Variants in MDGA2 observed in about 807,000 individuals in gnomAD.
The protein encoded by MDGA2 is MAM domain containing glycosylphosphatidylinositol anchor 2.
In MDGA2, 40 loss-of-function variants were observed where a neutral mutation model predicts 117.8. The observed-to-expected ratio is 0.34, with a 90% CI of 0.26 to 0.44. MDGA2 has a LOEUF of 0.44. MDGA2 is among the 20% of genes least tolerant of loss of function. The probability of loss-of-function intolerance (pLI) is 1.00; values close to 1 mark genes in which losing one functional copy is unlikely to be tolerated. For missense variants in MDGA2, 1,123 were observed against 1,250.6 expected, an observed-to-expected ratio of 0.90 and a Z score of 1.54; for synonymous variants, 452 against 439.0, an observed-to-expected ratio of 1.03 and a Z score of -0.37.
Position 46,841,818 on chromosome 14 carries a change from T to C in MDGA2, c.*113A>G, listed in dbSNP as rs1174458102. 3.0e-6 allele frequency: 2 copies of C among 662,524 alleles called. No individual in the cohort carries two copies. The highest frequency in any genetic ancestry group is 5.0e-6 in the Non-Finnish European group (2 of 398,556). The allele number at this position is 662,524 out of a possible 1,614,324, so 41.0% of individuals were successfully genotyped here. A position where few individuals can be genotyped will look rare whatever the true frequency, so the allele number is the denominator to read the frequency against. ...TTGTTTTTATTATTTTATTTTTGAG[T>C]CAGTAGTCAGTGGAGGAATCTTTGG... On this transcript the variant is annotated 3_prime_UTR_variant, in exon 17 of 17. Coordinates refer to ENST00000399232, the MANE Select transcript of MDGA2 (RefSeq NM_001113498.3).
chr14:47,045,143 A>G (rs1889211333), intron 7 of MDGA2, among the ~76,000 whole-genome samples: 1 of 152,190 alleles, frequency 6.6e-6, no homozygotes, highest in African/African-American at 2.4e-5. Context: ...CATGGCATTC[A>G]TATTTTCCCT....
intron 1 of MDGA2, among the ~76,000 whole-genome samples, chr14:47,401,741 C>T (rs1426286435): frequency 6.6e-6 from 1 of 152,146 alleles, no homozygotes; most frequent in Non-Finnish European, 1.5e-5. Context: ...GAGGCCATGT[C>T]GCCAGCACAA....
intron 1 of MDGA2, among the ~76,000 whole-genome samples, chr14:47,548,257 A>G (rs1260886830): frequency 6.6e-6 from 1 of 152,110 alleles, no homozygotes; most frequent in African/African-American, 2.4e-5. Context: ...AGTCTTTCTC[A>G]ATTGAACCCA....
chr14:47,469,089 G>A (rs1432900404), intron 1 of MDGA2, among the ~76,000 whole-genome samples: 31 of 151,922 alleles, frequency 2.0e-4, no homozygotes, highest in Admixed American at 2.0e-3. Flanking sequence ...TTCAAAAACT[G>A]CTAAGTCAAG....
chr14:47,630,569 T>C (rs374125794), intron 1 of MDGA2, among the ~76,000 whole-genome samples: 51 of 152,318 alleles, frequency 3.3e-4, no homozygotes, highest in African/African-American at 9.4e-4. Flanking sequence ...ACTTTCTTTC[T>C]GGAAAGAATC....
At chr14:47,397,876 T>C (rs1204764466) in intron 1 of MDGA2, among the ~76,000 whole-genome samples, 6 of 152,156 alleles carry the variant, frequency 3.9e-5, no homozygotes, top group Non-Finnish European at 7.4e-5. Context: ...GTTCTAATTA[T>C]CAAGTGCATT....
At chr14:47,461,054 A>T (rs10139803) in intron 1 of MDGA2, among the ~76,000 whole-genome samples, 95,968 of 151,968 alleles carry the variant, frequency 0.63, 31,036 homozygotes, top group East Asian at 0.98. Flanking sequence ...CCGAGGGAAT[A>T]AATTTTGTAC....
intron 10 of MDGA2, 114 bp from the exon 11 acceptor site, chr14:46,882,335 A>G (rs1566506343): frequency 4.9e-6 from 4 of 809,228 alleles, no homozygotes; most frequent in Non-Finnish European, 5.6e-6. Context: ...ATATTAATGA[A>G]TACGTATTAT....
intron 1 of MDGA2, among the ~76,000 whole-genome samples, chr14:47,623,685 T>A (rs770861814): frequency 6.6e-6 from 1 of 152,126 alleles, no homozygotes; most frequent in African/African-American, 2.4e-5. Context: ...AGTATTAATA[T>A]CCTCATTTTA....
At chr14:47,563,122 A>T (rs577980013) in intron 1 of MDGA2, among the ~76,000 whole-genome samples, 46 of 151,568 alleles carry the variant, frequency 3.0e-4, no homozygotes, top group Non-Finnish European at 1.6e-4. Flanking sequence ...TCATTTTTTT[A>T]AAAAAAAATT....
chr14:47,459,556 CCTT>C, intron 1 of MDGA2, among the ~76,000 whole-genome samples: 1 of 150,356 alleles, frequency 6.7e-6, no homozygotes, highest in Admixed American at 6.6e-5. Flanking sequence ...TTCCTTCCTT[CCTT>C]CTTTCCTTCC....
At chr14:46,922,999 C>G (rs1182862199) in intron 9 of MDGA2, among the ~76,000 whole-genome samples, 1 of 152,198 alleles carries the variant, frequency 6.6e-6, no homozygotes, top group African/African-American at 2.4e-5. Flanking sequence ...GCCATGAATA[C>G]AAATTGCCAT....
chr14:47,675,315 AGG>A lies in MDGA2; in HGVS notation c.-521_-520del, dbSNP rs1898163388. Reference sequence around the variant, plus strand: ...ACTCGCATCGCCGAACGGGGAGAGGAGGAAGAGGAGGAGGAGGAAGAGGAGGA... The same window carrying A: ...ACTCGCATCGCCGAACGGGGAGAGGAAAGAGGAGGAGGAGGAAGAGGAGGA... On this transcript the variant is annotated 5_prime_UTR_variant, in exon 1 of 17. Transcript: ENST00000399232. 2.6e-3 allele frequency among the ~76,000 whole-genome samples: 2 copies of A among 758 alleles called. 1 individual carries two copies. Among genetic ancestry groups the A allele is most frequent in the East Asian group, 0.091 (2 of 22 alleles). 0.5% of individuals were successfully genotyped at this position (758 alleles called of 152,430 possible). A position where few individuals can be genotyped will look rare whatever the true frequency, so the allele number is the denominator to read the frequency against.
chr14:46,951,887 T>C (rs932868593), intron 9 of MDGA2, among the ~76,000 whole-genome samples: 1 of 151,956 alleles, frequency 6.6e-6, no homozygotes. Context: ...TGTAATTCTT[T>C]ATGCAGAAAT....
At chr14:46,976,640 C>T (rs1210885620) in intron 8 of MDGA2, among the ~76,000 whole-genome samples, 1 of 151,866 alleles carries the variant, frequency 6.6e-6, no homozygotes, top group East Asian at 1.9e-4. Flanking sequence ...GTTATTGGTA[C>T]ATATAACGTT....
chr14:47,349,689 C>A (rs1171975740), intron 1 of MDGA2, among the ~76,000 whole-genome samples: 1 of 152,172 alleles, frequency 6.6e-6, no homozygotes, highest in Non-Finnish European at 1.5e-5. Flanking sequence ...AAGAAAAGAT[C>A]TTACCTTCTA....
chr14:47,427,571 T>C (rs1892716306), intron 1 of MDGA2, among the ~76,000 whole-genome samples: 1 of 152,178 alleles, frequency 6.6e-6, no homozygotes, highest in Non-Finnish European at 1.5e-5. Flanking sequence ...AGCCCTACTA[T>C]CTTTTTGCAA....
intron 2 of MDGA2, among the ~76,000 whole-genome samples, chr14:47,282,542 AC>A (rs1888529812): frequency 1.3e-5 from 2 of 151,750 alleles, no homozygotes; most frequent in Admixed American, 1.3e-4. Flanking sequence ...ACACACACAC[AC>A]ACAAATTAGC....
chr14:47,043,266 T>C (rs1045230473), intron 7 of MDGA2, among the ~76,000 whole-genome samples: 2 of 152,102 alleles, frequency 1.3e-5, no homozygotes, highest in African/African-American at 4.8e-5. Flanking sequence ...ACACACGGTT[T>C]GATGGAAGGT....
Sources: allele counts gnomAD v4.1 joint callset (sites outside exome capture counted in the v4.1 genomes callset), GRCh38; gene constraint gnomAD v4.1.1; transcripts MANE v1.5; gene names NCBI Gene and HGNC (gene_info 2026-07-23, HGNC 2026-07-21).